The following COL22A1 variants were observed in gnomAD, a reference collection of about 807,000 sequenced individuals.
The protein encoded by COL22A1 is collagen alpha-1(XXII) chain.
COL22A1 carries 221 observed loss-of-function variants against 248.9 expected under a neutral mutation model. The ratio of observed to expected loss-of-function variants is 0.89; its 90% CI spans 0.80 to 0.99. COL22A1 has a LOEUF of 0.99. Among genes scored for constraint, COL22A1 ranks in the 50% least tolerant of loss-of-function variants. The pLI is 0.00. For synonymous variants in COL22A1, 891 were observed against 793.4 expected (o/e 1.12, Z -2.07); for missense variants, 2,240 against 2,179.0 (o/e 1.03, Z -0.56).
At chr8:138,628,479 T>C (rs887855041) in intron 50 of COL22A1, among the ~76,000 whole-genome samples, 5 of 152,120 alleles carry the variant, frequency 3.3e-5, no homozygotes, top group African/African-American at 1.2e-4. Context: ...GAGGTTGCAG[T>C]GAGCCAAGAT....
At chr8:138,820,146 G>A (rs1350272800) in intron 7 of COL22A1, among the ~76,000 whole-genome samples, 2 of 152,042 alleles carry the variant, frequency 1.3e-5, no homozygotes, top group East Asian at 3.9e-4. Context: ...AACAAAAAAA[G>A]CCAGATGTAG....
At chr8:138,623,908 A>G (rs1251705834) in intron 51 of COL22A1, 123 bp from the exon 52 acceptor site, 5 of 743,944 alleles carry the variant, frequency 6.7e-6, no homozygotes, top group African/African-American at 1.8e-5. Flanking sequence ...TTGGCAGCTA[A>G]GGCAGTGTCT....
intron 50 of COL22A1, 79 bp downstream of exon 50, chr8:138,630,616 A>T: frequency 8.2e-7 from 1 of 1,214,762 alleles, no homozygotes; most frequent in Non-Finnish European, 1.2e-6. Flanking sequence ...ACAGGACAAG[A>T]GCAGAATTGG....
intron 4 of COL22A1, among the ~76,000 whole-genome samples, chr8:138,842,241 T>C (rs563082079): frequency 3.9e-5 from 6 of 152,354 alleles, no homozygotes; most frequent in African/African-American, 1.4e-4. Context: ...TCTCATGTGC[T>C]GTGAGGGTAA....
At chr8:138,670,265 C>T (rs1042451835) in intron 41 of COL22A1, among the ~76,000 whole-genome samples, 1 of 152,098 alleles carries the variant, frequency 6.6e-6, no homozygotes, top group Non-Finnish European at 1.5e-5. Flanking sequence ...ATACAGGAGC[C>T]CTGGAGTCTG....
chr8:138,751,944 AC>A lies in COL22A1; in HGVS notation c.2032-434del, dbSNP rs542273481. Among the ~76,000 whole-genome samples the A allele has an allele frequency of 1.7e-3, 258 of 152,352 alleles. 7 individuals are homozygous for A. Among genetic ancestry groups the A allele is most frequent in the Non-Finnish European group, 1.7e-3 (117 of 68,044 alleles). The stretch of plus-strand genomic sequence containing the variant: ...TGATATGCAAAACATGATAGTCTGG[AC>A]AAATGAATGAAACTGCCTAGGAAAG... On this transcript the variant is annotated intron_variant, in intron 21 of 64. Coordinates refer to ENST00000303045, the MANE Select transcript of COL22A1 (RefSeq NM_152888.3).
In COL22A1 at chr8:138,635,060, G is replaced by T; in HGVS notation, c.3559C>A (p.His1187Asn). The change falls in exon 49 of 65, where the codon CAT becomes AAT. Residue 1187 changes from histidine (H) to asparagine (N), a missense_variant. Physicochemically the swap from His to Asn is moderately conservative, Grantham distance 68 (BLOSUM62 1). Transcript: ENST00000303045. ...GEVGQKGDQGHPGVPGFMGPP... is the reference protein window; with the variant it reads ...GEVGQKGDQGNPGVPGFMGPP... ...CCCATGAAACCTGGAACTCCAGGAT[G>T]ACCCTAGGAAAACACAAGATGCAAT... is the stretch of plus-strand genomic sequence containing the variant. 1 of 1,608,516 alleles carries T rather than the reference G, an allele frequency of 6.2e-7. No individual in the cohort carries two copies. Among genetic ancestry groups the T allele is most frequent in the South Asian group, 1.1e-5 (1 of 90,490 alleles).
intron 16 of COL22A1, among the ~76,000 whole-genome samples, chr8:138,771,525 T>C (rs1447105511): frequency 2.0e-5 from 3 of 152,214 alleles, no homozygotes; most frequent in African/African-American, 7.2e-5. Flanking sequence ...AACCGCAGTG[T>C]TCCTTGACTG....
chr8:138,629,259 C>A (rs186894477), intron 50 of COL22A1, among the ~76,000 whole-genome samples: 1 of 152,086 alleles, frequency 6.6e-6, no homozygotes, highest in Admixed American at 6.5e-5. Context: ...CAGGTTCAAG[C>A]GATTCTCCTG....
intron 4 of COL22A1, among the ~76,000 whole-genome samples, chr8:138,839,715 G>C (rs978827832): frequency 6.6e-6 from 1 of 152,156 alleles, no homozygotes; most frequent in Admixed American, 6.5e-5. Context: ...TATCTGGATG[G>C]GGGGCCCAAG....
chr8:138,805,699 G>A (rs1016155380), intron 10 of COL22A1, among the ~76,000 whole-genome samples: 1 of 149,200 alleles, frequency 6.7e-6, no homozygotes, highest in Admixed American at 6.7e-5. Flanking sequence ...TTGTGATGGT[G>A]TGGGATGGTG....
intron 14 of COL22A1, 130 bp downstream of exon 14, chr8:138,779,379 G>A (rs981436560): frequency 6.2e-5 from 39 of 631,994 alleles, no homozygotes; most frequent in African/African-American, 5.6e-4. Flanking sequence ...ACACAAATGT[G>A]CAAGCAGTTA....
intron 49 of COL22A1, among the ~76,000 whole-genome samples, chr8:138,634,566 T>C (rs1200059196): frequency 1.3e-5 from 2 of 152,148 alleles, no homozygotes; most frequent in Non-Finnish European, 2.9e-5. Flanking sequence ...CTACAGCTAC[T>C]GTAAAAGCAG....
rs181946763 is a variant in COL22A1, at chr8:138,901,830, G to A, written c.-73+11789C>T. Among the ~76,000 whole-genome samples the A allele has an allele frequency of 1.6e-3, 238 of 152,050 alleles. 1 individual carries two copies. Among genetic ancestry groups the A allele is most frequent in the African/African-American group, 4.7e-3 (193 of 41,490 alleles). On this transcript the variant is annotated intron_variant, in intron 1 of 64. Coordinates refer to ENST00000303045, the MANE Select transcript of COL22A1 (RefSeq NM_152888.3). ...GGCTTGCACCTACCTCTCCGGTGTC[G>A]CCTGACTGCATGTCTGCTTGGACCT... is the stretch of plus-strand genomic sequence containing the variant.
chr8:138,808,985 C>T (rs147069696), intron 9 of COL22A1, among the ~76,000 whole-genome samples: 1 of 152,110 alleles, frequency 6.6e-6, no homozygotes, highest in Non-Finnish European at 1.5e-5. Flanking sequence ...AGTTTTAAAC[C>T]ACTGGAAACA....
chr8:138,626,080 A>C, intron 51 of COL22A1, 110 bp downstream of exon 51: 1 of 797,924 alleles, frequency 1.3e-6, no homozygotes. Context: ...AACACTCAAA[A>C]TTCTAGTGGC....
At chr8:138,780,553 G>A (rs1019218017) in intron 13 of COL22A1, among the ~76,000 whole-genome samples, 1 of 152,172 alleles carries the variant, frequency 6.6e-6, no homozygotes, top group Non-Finnish European at 1.5e-5. Flanking sequence ...CACATAGGGT[G>A]TGGGGTGTTG....
intron 35 of COL22A1, among the ~76,000 whole-genome samples, chr8:138,691,294 T>C (rs1826837508): frequency 6.6e-6 from 1 of 152,244 alleles, no homozygotes; most frequent in Non-Finnish European, 1.5e-5. Flanking sequence ...TGTGTATGTG[T>C]GCACGTGCGT....
chr8:138,900,425 G>T (rs575333237), intron 1 of COL22A1, among the ~76,000 whole-genome samples: 56 of 152,320 alleles, frequency 3.7e-4, no homozygotes, highest in Non-Finnish European at 4.7e-4. Flanking sequence ...CAGATGACTG[G>T]AGGAGGAGAC....
Sources: allele counts gnomAD v4.1 joint callset (sites outside exome capture counted in the v4.1 genomes callset), GRCh38; gene constraint gnomAD v4.1.1; transcripts MANE v1.5; gene names NCBI Gene and HGNC (gene_info 2026-07-23, HGNC 2026-07-21).